UBA5: variants seen among roughly 807,000 people sequenced by gnomAD.
UBA5 encodes the protein ubiquitin-like modifier-activating enzyme 5.
A neutral mutation model predicts 52.9 loss-of-function variants in UBA5; 28 were observed. That is an observed-to-expected ratio of 0.53 (90% confidence interval 0.39 to 0.73). The LOEUF is 0.73. Ranked by LOEUF, UBA5 falls within the 30% of genes least tolerant of loss-of-function variation. The pLI is 0.00. For missense variants in UBA5, 388 were observed against 492.7 expected, an observed-to-expected ratio of 0.79 and a Z score of 2.01; for synonymous variants, 135 against 162.1, an observed-to-expected ratio of 0.83 and a Z score of 1.27.
rs1198287987 is a variant in UBA5, at chr3:132,661,056, T to C, written c.161+358T>C. 12 of 1,337,988 alleles carry C rather than the reference T, an allele frequency of 9.0e-6. No homozygotes were observed. Among genetic ancestry groups the C allele is most frequent in the African/African-American group, 1.5e-5 (1 of 67,792 alleles). The allele number at this position is 1,337,988 out of a possible 1,614,324, so 82.9% of individuals were successfully genotyped here. A position where few individuals can be genotyped will look rare whatever the true frequency, so the allele number is the denominator to read the frequency against. On this transcript the variant is annotated intron_variant, in intron 1 of 11. Coordinates refer to ENST00000356232, the MANE Select transcript of UBA5 (RefSeq NM_024818.6). ...AATATTAAACCTGCTAAGGTAAACT[T>C]TGAGTTTCATTAAAGGCTTATCAAT...
Position 132,676,624 on chromosome 3 carries a change from A to C in UBA5, c.*98A>C, listed in dbSNP as rs1011014206. 6.2e-6 allele frequency: 5 copies of C among 811,146 alleles called. No individual in the cohort carries two copies. The African/African-American group carries it at 8.8e-5, about 14-fold the overall frequency. The allele number at this position is 811,146 out of a possible 1,614,324, so 50.2% of individuals were successfully genotyped here. A position where few individuals can be genotyped will look rare whatever the true frequency, so the allele number is the denominator to read the frequency against. ...GATAAAACTTAGGGCAACATTAATT[A>C]ATGTATATTCTTACCTGAATTGTTA... On this transcript the variant is annotated 3_prime_UTR_variant, in exon 12 of 12. Transcript: ENST00000356232. This position sits in a 1 kb window ranked among gnomAD's most constrained non-coding sequence, Gnocchi z 4.1.
chr3:132,662,328 C>A (rs766644374), intron 1 of UBA5, among the ~76,000 whole-genome samples: 10 of 152,164 alleles, frequency 6.6e-5, no homozygotes, highest in Non-Finnish European at 1.5e-4. Context: ...ATTTTTGTCT[C>A]CAGTCCTCCT....
At chr3:132,657,062 C>G (rs1423319420), upstream of UBA5, among the ~76,000 whole-genome samples, 1 of 151,936 alleles carries the variant, frequency 6.6e-6, no homozygotes, top group Non-Finnish European at 1.5e-5. Context: ...CTGCTGTTGT[C>G]TTTAAAATAT....
chr3:132,669,323 A>G (rs966849471), intron 4 of UBA5, among the ~76,000 whole-genome samples: 2 of 152,108 alleles, frequency 1.3e-5, no homozygotes, highest in Admixed American at 1.3e-4. Context: ...ATTGGAGTGT[A>G]GTGACACAAT....
chr3:132,672,210 G>T, intron 8 of UBA5, 33 bp downstream of exon 8: 2 of 1,595,506 alleles, frequency 1.3e-6, no homozygotes, highest in Non-Finnish European at 1.7e-6. Flanking sequence ...GAATAGTCTT[G>T]TATGCTTTCA....
intron 3 of UBA5, 120 bp from the exon 4 acceptor site, chr3:132,668,698 G>A (rs180811274): frequency 2.9e-4 from 175 of 609,358 alleles, no homozygotes; most frequent in Non-Finnish European, 4.0e-4. Context: ...GTGTTGTAGA[G>A]TTAGCTAATA....
In UBA5 at chr3:132,675,274, G is replaced by GT. The variant is rs1553770562; in HGVS notation, c.844dup (p.Tyr282LeufsTer23). ...TTTCTGTTAAATTTTGGTACTGTTA[G>GT]TTTTTACCTTGGATACAATGCAATG... On this transcript the variant is annotated frameshift_variant, in exon 9 of 12. Coordinates refer to ENST00000356232, the MANE Select transcript of UBA5 (RefSeq NM_024818.6). LOFTEE classifies it high-confidence loss of function. 1 of 1,609,406 alleles carries GT rather than the reference G, an allele frequency of 6.2e-7. No homozygotes were observed. Among genetic ancestry groups the GT allele is most frequent in the Non-Finnish European group, 8.5e-7 (1 of 1,177,026 alleles).
chr3:132,671,721 A>C (rs923288318), intron 6 of UBA5, 56 bp from the exon 7 acceptor site: 1 of 1,385,868 alleles, frequency 7.2e-7, no homozygotes, highest in Admixed American at 2.1e-5. Context: ...ATTTATTGTA[A>C]ATTACTTCTT....
In UBA5 at chr3:132,660,504, C is replaced by T. The variant is rs780764978; in HGVS notation, c.-34C>T. 86 of 1,545,036 alleles carry T rather than the reference C, an allele frequency of 5.6e-5. No individual in the cohort carries two copies. The Middle Eastern group carries it at 1.6e-3, about 29-fold the overall frequency. On this transcript the variant is annotated 5_prime_UTR_variant, in exon 1 of 12. Coordinates refer to ENST00000356232, the MANE Select transcript of UBA5 (RefSeq NM_024818.6). The surrounding 1 kb of genome is among the most constrained non-coding windows in gnomAD (Gnocchi z 4.1). ...TGGGGCGAAGGCGGCGGCGAAGGCC[C>T]GGGCTGGGAGCGTTGGCGGCCGGAG... is the stretch of plus-strand genomic sequence containing the variant.
At chr3:132,674,025 C>T (rs1938723191) in intron 8 of UBA5, among the ~76,000 whole-genome samples, 1 of 152,124 alleles carries the variant, frequency 6.6e-6, no homozygotes, top group African/African-American at 2.4e-5. Flanking sequence ...CTAAATTTCT[C>T]CTGCAAAAGG....
At chr3:132,655,352 C>T (rs1233502391), upstream of UBA5, among the ~76,000 whole-genome samples, 1 of 152,158 alleles carries the variant, frequency 6.6e-6, no homozygotes, top group African/African-American at 2.4e-5. Flanking sequence ...TTACTTCCCT[C>T]CTCTGCTCAA....
At chr3:132,671,910 T>C (rs1938621587) in intron 7 of UBA5, 29 bp downstream of exon 7, 2 of 1,606,788 alleles carry the variant, frequency 1.2e-6, no homozygotes, top group South Asian at 2.2e-5. Context: ...GGAATATTCT[T>C]CACTGTTAGA....
At chr3:132,664,059 A>C (rs924410143) in intron 1 of UBA5, among the ~76,000 whole-genome samples, 1 of 152,168 alleles carries the variant, frequency 6.6e-6, no homozygotes, top group Admixed American at 6.5e-5. Flanking sequence ...TTCAACTTCC[A>C]AATAATAGGA....
upstream of UBA5, chr3:132,659,528 AC>A: frequency 1.3e-6 from 2 of 1,591,988 alleles, no homozygotes. Flanking sequence ...AACTTAGGAA[AC>A]CACCCAGGGC....
Position 132,660,466 on chromosome 3 carries a change from C to T in UBA5, c.-72C>T. ...CCTCCCCACGTACCCCTCGCGGGCCCAGCCGAGCAACGTGGGGCGAAGGCG... is the reference window on the plus strand; with the variant it reads ...CCTCCCCACGTACCCCTCGCGGGCCTAGCCGAGCAACGTGGGGCGAAGGCG... On this transcript the variant is annotated 5_prime_UTR_variant, in exon 1 of 12. Transcript: ENST00000356232. The surrounding 1 kb of genome is among the most constrained non-coding windows in gnomAD (Gnocchi z 4.1). 2 of 1,531,972 alleles carry T rather than the reference C, an allele frequency of 1.3e-6. No homozygotes were observed. Among genetic ancestry groups the T allele is most frequent in the Non-Finnish European group, 1.8e-6 (2 of 1,141,644 alleles). 94.9% of individuals were successfully genotyped at this position (1,531,972 alleles called of 1,614,324 possible).
rs925511402 is a variant in UBA5 at position 132,660,734 on chromosome 3, G to T, written c.161+36G>T. 6.6e-7 allele frequency: 1 copy of T among 1,503,812 alleles called. No individual in the cohort carries two copies. Among genetic ancestry groups the T allele is most frequent in the Non-Finnish European group, 8.9e-7 (1 of 1,119,962 alleles). 93.2% of individuals were successfully genotyped at this position (1,503,812 alleles called of 1,614,324 possible). ...TCGCCGGTCGGAGGCAGGCGCGGGGGACGAGGTCAGGCTCCGTGAGGTCAG... is the reference window on the plus strand; with the variant it reads ...TCGCCGGTCGGAGGCAGGCGCGGGGTACGAGGTCAGGCTCCGTGAGGTCAG... On this transcript the variant is annotated intron_variant, in intron 1 of 11. Transcript: ENST00000356232. This position sits in a 1 kb window ranked among gnomAD's most constrained non-coding sequence, Gnocchi z 4.1.
chr3:132,665,313 C>T (rs1232731257), intron 1 of UBA5, among the ~76,000 whole-genome samples: 1 of 151,996 alleles, frequency 6.6e-6, no homozygotes, highest in Non-Finnish European at 1.5e-5. Context: ...GGGAATTAAC[C>T]ATAGACTTAA....
intron 8 of UBA5, among the ~76,000 whole-genome samples, chr3:132,673,351 CTTTT>C (rs1318771506): frequency 6.6e-6 from 1 of 151,570 alleles, no homozygotes; most frequent in Non-Finnish European, 1.5e-5. Context: ...GATCACTCTT[CTTTT>C]TGTTTTTTTG....
chr3:132,668,950 A>C, intron 4 of UBA5, 23 bp downstream of exon 4: 1 of 1,416,820 alleles, frequency 7.1e-7, no homozygotes, highest in Non-Finnish European at 9.8e-7. Context: ...GCAATCAAGT[A>C]CCATATTCAG....
Sources: gnomAD v4.1 joint callset for allele counts (sites outside exome capture counted in the v4.1 genomes callset) on GRCh38, gnomAD v4.1.1 for gene constraint, Gnocchi (gnomAD v3.1) non-coding constraint, MANE v1.5 for transcripts, NCBI Gene and HGNC (gene_info 2026-07-23, HGNC 2026-07-21) for gene names.